Variants in GRIK2 observed in about 807,000 individuals in gnomAD.
GRIK2 encodes glutamate receptor ionotropic, kainate 2.
In GRIK2, 32 loss-of-function variants were observed where a neutral mutation model predicts 100.3. The observed-to-expected ratio is 0.32, with a 90% confidence interval of 0.24 to 0.43. GRIK2 has a LOEUF of 0.43. GRIK2 is among the 20% of genes least tolerant of loss of function. The pLI, the probability that GRIK2 is intolerant of heterozygous loss-of-function variation, is 1.00. For missense variants in GRIK2, 843 were observed against 1,114.9 expected (o/e 0.76, Z 3.47); for synonymous variants, 417 against 389.4 (o/e 1.07, Z -0.83).
chr6:101,621,915 T>C (rs1780182718), intron 2 of GRIK2, 34 bp from the exon 3 acceptor site: 1 of 1,472,640 alleles, frequency 6.8e-7, no homozygotes, highest in Non-Finnish European at 9.5e-7. Context: ...TTTATTCTTG[T>C]AAAATTTATG....
At chr6:101,800,777 G>A (rs988922611) in intron 8 of GRIK2, among the ~76,000 whole-genome samples, 2 of 152,002 alleles carry the variant, frequency 1.3e-5, no homozygotes, top group Non-Finnish European at 2.9e-5. Context: ...TTAGTGAGCT[G>A]TAGACACAGT....
At chr6:101,693,897 C>A (rs759621288) in intron 7 of GRIK2, among the ~76,000 whole-genome samples, 6 of 151,946 alleles carry the variant, frequency 3.9e-5, no homozygotes, top group Non-Finnish European at 8.8e-5. Context: ...ATATCCTGAA[C>A]TCCTTCAACA....
intron 2 of GRIK2, among the ~76,000 whole-genome samples, chr6:101,542,619 C>G (rs1476024969): frequency 6.6e-6 from 1 of 152,056 alleles, no homozygotes; most frequent in Non-Finnish European, 1.5e-5. Flanking sequence ...TGCATTAGTT[C>G]AAAACATTAC....
intron 14 of GRIK2, among the ~76,000 whole-genome samples, chr6:101,933,206 A>G (rs1790397769): frequency 6.6e-6 from 1 of 151,974 alleles, no homozygotes; most frequent in Non-Finnish European, 1.5e-5. Flanking sequence ...TTTCGCTGGC[A>G]GAAGATTAGA....
At chr6:101,788,658 C>A (rs963340417) in intron 7 of GRIK2, among the ~76,000 whole-genome samples, 1 of 152,152 alleles carries the variant, frequency 6.6e-6, no homozygotes, top group Non-Finnish European at 1.5e-5. Context: ...GTGAATAGTG[C>A]TGCAATAAAC....
At chr6:101,766,178 T>C (rs1778034866) in intron 7 of GRIK2, among the ~76,000 whole-genome samples, 1 of 152,058 alleles carries the variant, frequency 6.6e-6, no homozygotes, top group South Asian at 2.1e-4. Flanking sequence ...TTTTATGCAC[T>C]TATTCCACTT....
At chr6:101,939,413 A>G (rs2128475106) in intron 14 of GRIK2, among the ~76,000 whole-genome samples, 1 of 152,164 alleles carries the variant, frequency 6.6e-6, no homozygotes, top group Middle Eastern at 3.4e-3. Context: ...GAATTGTTAA[A>G]TTTCGGTAGC....
intron 2 of GRIK2, among the ~76,000 whole-genome samples, chr6:101,590,630 T>G (rs1778598111): frequency 6.6e-6 from 1 of 151,978 alleles, no homozygotes; most frequent in African/African-American, 2.4e-5. Context: ...CAGGATACCC[T>G]CACACGTATT....
intron 4 of GRIK2, among the ~76,000 whole-genome samples, chr6:101,641,759 G>T (rs1781285461): frequency 1.3e-5 from 2 of 151,874 alleles, no homozygotes; most frequent in Non-Finnish European, 2.9e-5. Context: ...ATTGAAAAAG[G>T]ATTCCGTGTG....
chr6:101,636,269 C>T (rs1781007522), intron 4 of GRIK2, among the ~76,000 whole-genome samples: 1 of 152,084 alleles, frequency 6.6e-6, no homozygotes, highest in Non-Finnish European at 1.5e-5. Flanking sequence ...CCAAACACCG[C>T]ATGTTCTCAG....
rs116097515 is a variant in GRIK2 at position 101,435,914 on chromosome 6, A to G, written c.115+36522A>G. On this transcript the variant is annotated intron_variant, in intron 2 of 16. Coordinates refer to ENST00000369134, the MANE Select transcript of GRIK2 (RefSeq NM_021956.5). The stretch of plus-strand genomic sequence containing the variant: ...TTACATACATAGACAGGTACTCATT[A>G]CTTTTACACATGAATAATTGCAGTG... Among the ~76,000 whole-genome samples the G allele has an allele frequency of 1.6e-3, 241 of 152,206 alleles. 1 individual carries two copies. Among genetic ancestry groups the G allele is most frequent in the African/African-American group, 5.5e-3 (228 of 41,554 alleles).
At chr6:101,949,663 G>A (rs113852045) in intron 14 of GRIK2, among the ~76,000 whole-genome samples, 2 of 152,080 alleles carry the variant, frequency 1.3e-5, no homozygotes, top group Admixed American at 6.6e-5. Context: ...CTTCATCCAT[G>A]TCCCTGCAAA....
chr6:101,978,118 T>G (rs865924704), intron 14 of GRIK2, among the ~76,000 whole-genome samples: 1 of 151,954 alleles, frequency 6.6e-6, no homozygotes, highest in Non-Finnish European at 1.5e-5. Flanking sequence ...ACTAAGTCCA[T>G]AAGCCTAGCT....
rs535626358 is a variant in GRIK2 at position 101,408,742 on chromosome 6, T to A, written c.115+9350T>A. 3.9e-5 allele frequency among the ~76,000 whole-genome samples: 6 copies of A among 152,152 alleles called. No homozygotes were observed. The South Asian group carries it at 1.2e-3, about 32-fold the overall frequency. ...GCAATCTTCTTTGCTCCATCTACTA[T>A]TTTACTGATTCAGATGCTAATTTCA... On this transcript the variant is annotated intron_variant, in intron 2 of 16. Coordinates refer to ENST00000369134, the MANE Select transcript of GRIK2 (RefSeq NM_021956.5).
intron 7 of GRIK2, among the ~76,000 whole-genome samples, chr6:101,727,743 T>C (rs887375922): frequency 1.3e-5 from 2 of 151,606 alleles, no homozygotes; most frequent in African/African-American, 2.4e-5. Context: ...AGAGAAGAGG[T>C]GATAATGTGA....
intron 7 of GRIK2, among the ~76,000 whole-genome samples, chr6:101,704,410 T>C (rs1427251809): frequency 1.3e-5 from 2 of 151,666 alleles, no homozygotes; most frequent in Non-Finnish European, 2.9e-5. Context: ...GGATAGGGGA[T>C]TTGTTAAAAT....
At chr6:101,482,817 G>A (rs182322664) in intron 2 of GRIK2, among the ~76,000 whole-genome samples, 143 of 152,064 alleles carry the variant, frequency 9.4e-4, no homozygotes, top group African/African-American at 3.3e-3. Context: ...ACCCTCCCAC[G>A]CACATTGAAA....
intron 2 of GRIK2, among the ~76,000 whole-genome samples, chr6:101,486,450 G>T (rs909664377): frequency 6.6e-6 from 1 of 151,826 alleles, no homozygotes; most frequent in Non-Finnish European, 1.5e-5. Flanking sequence ...TTTTCCTTCT[G>T]AGCTCTTTAT....
intron 1 of GRIK2, among the ~76,000 whole-genome samples, chr6:101,397,205 G>T (rs932559826): frequency 6.6e-6 from 1 of 152,156 alleles, no homozygotes; most frequent in Admixed American, 6.5e-5. Context: ...TTTTCAGGTA[G>T]TAGATATCAG....
Sources: allele counts gnomAD v4.1 joint callset (sites outside exome capture counted in the v4.1 genomes callset), GRCh38; gene constraint gnomAD v4.1.1; transcripts MANE v1.5; gene names NCBI Gene and HGNC (gene_info 2026-07-23, HGNC 2026-07-21).